Variants in MYO1E observed in about 807,000 individuals in gnomAD.
MYO1E encodes unconventional myosin-Ie.
MYO1E carries 68 observed loss-of-function variants against 151.1 expected under a neutral mutation model. The ratio of observed to expected loss-of-function variants is 0.45; its 90% CI spans 0.37 to 0.55. The LOEUF (loss-of-function observed/expected upper bound fraction) is 0.55. MYO1E is among the 20% of genes least tolerant of loss of function. The pLI, the probability that MYO1E is intolerant of heterozygous loss-of-function variation, is 0.00. For synonymous variants in MYO1E, 601 were observed against 501.7 expected (o/e 1.20, Z -2.64); for missense variants, 1,363 against 1,389.3 (o/e 0.98, Z 0.30).
At chr15:59,163,369 T>C in intron 22 of MYO1E, 66 bp from the exon 23 acceptor site, 1 of 1,513,110 alleles carries the variant, frequency 6.6e-7, no homozygotes, top group Admixed American at 1.9e-5. Flanking sequence ...TTGTTTTTTT[T>C]TTCTTCCATT....
intron 1 of MYO1E, among the ~76,000 whole-genome samples, chr15:59,307,294 C>T (rs551683007): frequency 6.6e-6 from 1 of 152,304 alleles, no homozygotes; most frequent in South Asian, 2.1e-4. Context: ...CACCAGATCC[C>T]TCAGCAGCTG....
At chr15:59,192,309 A>G (rs944911876) in intron 17 of MYO1E, among the ~76,000 whole-genome samples, 1 of 152,130 alleles carries the variant, frequency 6.6e-6, no homozygotes, top group Admixed American at 6.5e-5. Context: ...TAAAAAAAAA[A>G]AAAAGAAAAG....
Position 59,205,422 on chromosome 15 carries a change from C to G in MYO1E, c.1594G>C (p.Glu532Gln). ...NRDVLFMDLIELMQSSELPFI... is the reference protein window; with the variant it reads ...NRDVLFMDLIQLMQSSELPFI... ...TACAGCTCGCTGCTCTGCATAAGCT[C>G]GATGAGATCCATAAAAAGCACATCC... The change falls in exon 15 of 28, where the codon GAG becomes CAG. Residue 532 changes from glutamate (E) to glutamine (Q), a missense_variant. Physicochemically the swap from Glu to Gln is conservative, Grantham distance 29. Transcript: ENST00000288235. 1 of 1,614,052 alleles carries G rather than the reference C, an allele frequency of 6.2e-7. No homozygotes were observed. The highest frequency in any genetic ancestry group is 8.5e-7 in the Non-Finnish European group (1 of 1,179,992).
At chr15:59,217,577 G>C (rs569331084) in intron 10 of MYO1E, among the ~76,000 whole-genome samples, 1 of 128,732 alleles carries the variant, frequency 7.8e-6, no homozygotes, top group Non-Finnish European at 1.6e-5. Flanking sequence ...CCAGGCTGGA[G>C]TGCAGTGGCG....
At chr15:59,283,071 G>A (rs566053187) in intron 1 of MYO1E, among the ~76,000 whole-genome samples, 1 of 149,568 alleles carries the variant, frequency 6.7e-6, no homozygotes, top group African/African-American at 2.5e-5. Flanking sequence ...AAGGGCTCTG[G>A]TTGCCCTCAT....
rs765938827 is a variant in MYO1E at position 59,227,554 on chromosome 15, C to T, written c.547G>A (p.Glu183Lys). The T allele has an allele frequency of 6.2e-7, 1 of 1,614,196 alleles. No homozygotes were observed. The highest frequency in any genetic ancestry group is 8.5e-7 in the Non-Finnish European group (1 of 1,180,014). ...YFEIQFSPGG[E>K]PDGGKISNFL... Reference sequence around the variant, plus strand: ...TTGGAGATCTTTCCACCATCTGGTTCCCCACCTGGACTGAACTGGATTTCA... The same window carrying T: ...TTGGAGATCTTTCCACCATCTGGTTTCCCACCTGGACTGAACTGGATTTCA... Residue 183 changes from glutamate (E) to lysine (K), a missense_variant, in exon 7 of 28, where the codon GAA (glutamate) becomes AAA (lysine). Transcript: ENST00000288235.
chr15:59,182,877 T>A (rs1446998417), intron 18 of MYO1E, among the ~76,000 whole-genome samples: 1 of 152,206 alleles, frequency 6.6e-6, no homozygotes, highest in Non-Finnish European at 1.5e-5. Flanking sequence ...AATTTTTCTA[T>A]GGACGGGGTT....
intron 1 of MYO1E, chr15:59,359,929 C>G (rs185574218): frequency 6.6e-6 from 1 of 152,128 alleles, no homozygotes. Flanking sequence ...TTCTTTCAGT[C>G]CAATGAGCAG....
intron 1 of MYO1E, among the ~76,000 whole-genome samples, chr15:59,354,891 G>A (rs188050808): frequency 4.1e-4 from 62 of 152,236 alleles, no homozygotes; most frequent in African/African-American, 1.4e-3. Context: ...GAGCCCCACC[G>A]AACCACTAAT....
chr15:59,205,703 G>A (rs1410727777), intron 14 of MYO1E, among the ~76,000 whole-genome samples: 1 of 152,178 alleles, frequency 6.6e-6, no homozygotes, highest in East Asian at 1.9e-4. Context: ...AGCTGACTTA[G>A]TGGGGAAGGC....
intron 14 of MYO1E, chr15:59,206,718 T>A: frequency 1.8e-6 from 1 of 550,274 alleles, no homozygotes; most frequent in Non-Finnish European, 3.2e-6. Flanking sequence ...CAGAAATCAC[T>A]TGCTAGAGAA....
chr15:59,241,548 A>C (rs1182778440), intron 4 of MYO1E, among the ~76,000 whole-genome samples: 1 of 151,884 alleles, frequency 6.6e-6, no homozygotes, highest in Non-Finnish European at 1.5e-5. Flanking sequence ...TAAAAACACA[A>C]AAAAATTAGC....
intron 9 of MYO1E, among the ~76,000 whole-genome samples, chr15:59,220,618 C>T (rs2079948585): frequency 6.6e-6 from 1 of 151,976 alleles, no homozygotes; most frequent in Admixed American, 6.6e-5. Context: ...CATGGACTAC[C>T]ACTTCCCTCT....
At chr15:59,243,472 A>C (rs1401816835) in intron 4 of MYO1E, among the ~76,000 whole-genome samples, 1 of 152,196 alleles carries the variant, frequency 6.6e-6, no homozygotes, top group African/African-American at 2.4e-5. Flanking sequence ...CATTATTTGA[A>C]GTGAGAAAAG....
chr15:59,227,932 G>A (rs1403763514), intron 6 of MYO1E, among the ~76,000 whole-genome samples: 2 of 152,202 alleles, frequency 1.3e-5, no homozygotes, highest in East Asian at 3.8e-4. Context: ...TTCAGAGGAA[G>A]AGCACTCTTG....
At chr15:59,353,935 C>A (rs936244069) in intron 1 of MYO1E, among the ~76,000 whole-genome samples, 9 of 152,044 alleles carry the variant, frequency 5.9e-5, no homozygotes. Context: ...TAAATAGGCT[C>A]CAAAATAATC....
intron 14 of MYO1E, 31 bp from the exon 15 acceptor site, chr15:59,205,516 A>ATT: frequency 6.4e-7 from 1 of 1,561,816 alleles, no homozygotes; most frequent in Non-Finnish European, 8.8e-7. Flanking sequence ...ATCGAATTTC[A>ATT]TTGAACAAAA....
chr15:59,176,089 T>C (rs547248870), intron 19 of MYO1E, among the ~76,000 whole-genome samples: 2 of 152,272 alleles, frequency 1.3e-5, no homozygotes, highest in Admixed American at 6.5e-5. Context: ...GGCAGAGTCT[T>C]GCTCTGTCAC....
intron 3 of MYO1E, among the ~76,000 whole-genome samples, chr15:59,257,307 A>T (rs2080199267): frequency 1.3e-5 from 2 of 152,192 alleles, no homozygotes; most frequent in Admixed American, 1.3e-4. Flanking sequence ...CCACACACAC[A>T]CACAAATTTA....
Sources: gnomAD v4.1 joint callset for allele counts (sites outside exome capture counted in the v4.1 genomes callset) on GRCh38, gnomAD v4.1.1 for gene constraint, MANE v1.5 for transcripts, NCBI Gene and HGNC (gene_info 2026-07-23, HGNC 2026-07-21) for gene names.